Variants in CCSER2 observed in about 807,000 individuals in gnomAD.
The protein encoded by CCSER2 is coiled-coil serine rich protein 2.
In CCSER2, 46 loss-of-function variants were observed where a neutral mutation model predicts 92.3. The observed-to-expected ratio is 0.50, with a 90% CI of 0.39 to 0.64. The LOEUF (loss-of-function observed/expected upper bound fraction) is 0.64. CCSER2 is among the 30% of genes least tolerant of loss of function. The probability of loss-of-function intolerance (pLI) is 0.00; values close to 1 mark genes in which losing one functional copy is unlikely to be tolerated. For missense variants in CCSER2, 1,244 were observed against 1,238.9 expected, an observed-to-expected ratio of 1.00 and a Z score of -0.06; for synonymous variants, 433 against 431.4, an observed-to-expected ratio of 1.00 and a Z score of -0.04.
intron 1 of CCSER2, among the ~76,000 whole-genome samples, chr10:84,337,377 C>CGAGT (rs897301578): frequency 1.8e-4 from 28 of 152,200 alleles, no homozygotes; most frequent in Middle Eastern, 3.4e-3. Flanking sequence ...TAAGAAGGAG[C>CGAGT]GAGTGAGTAA....
chr10:84,391,291 T>C, intron 3 of CCSER2: 1 of 1,469,132 alleles, frequency 6.8e-7, no homozygotes, highest in Admixed American at 1.7e-5. Context: ...CAGATAAAGA[T>C]TTTATGTTAG....
At chr10:84,364,797 A>G (rs545553262) in intron 1 of CCSER2, among the ~76,000 whole-genome samples, 1 of 145,096 alleles carries the variant, frequency 6.9e-6, no homozygotes, top group Non-Finnish European at 1.5e-5. Flanking sequence ...GCTGTAGTGC[A>G]GTGGTATGAT....
chr10:84,332,429 TATATATA>T (rs1326207356), intron 1 of CCSER2, among the ~76,000 whole-genome samples: 2 of 85,850 alleles, frequency 2.3e-5, no homozygotes, highest in Admixed American at 1.3e-4. Flanking sequence ...TATATATATA[TATATATA>T]TTTTTTTTTT....
At chr10:84,447,815 T>C (rs1356931867) in intron 6 of CCSER2, among the ~76,000 whole-genome samples, 1 of 152,116 alleles carries the variant, frequency 6.6e-6, no homozygotes, top group African/African-American at 2.4e-5. Flanking sequence ...TCTTTTGTTT[T>C]GTTTTGTTTT....
intron 9 of CCSER2, among the ~76,000 whole-genome samples, chr10:84,503,467 T>G (rs1183663800): frequency 6.6e-6 from 1 of 152,216 alleles, no homozygotes; most frequent in Non-Finnish European, 1.5e-5. Context: ...ATTGGTGTAG[T>G]CTTTCTACTC....
At chr10:84,391,508 A>C in intron 3 of CCSER2, 1 of 1,526,978 alleles carries the variant, frequency 6.5e-7, no homozygotes. Flanking sequence ...TTTCATGCCA[A>C]TACTGGGAAT....
intron 1 of CCSER2, among the ~76,000 whole-genome samples, chr10:84,345,224 G>A (rs1048757988): frequency 3.3e-5 from 5 of 152,274 alleles, no homozygotes; most frequent in African/African-American, 9.6e-5. Flanking sequence ...AGGACAGGAC[G>A]GGTTTGAGAA....
At chr10:84,491,632 G>A (rs61866511) in intron 9 of CCSER2, among the ~76,000 whole-genome samples, 15,227 of 152,098 alleles carry the variant, frequency 0.1, 965 homozygotes, top group Admixed American at 0.15. Context: ...TCCAGGATCC[G>A]TCTGTCACCC....
chr10:84,336,387 G>A (rs1297830951), intron 1 of CCSER2, among the ~76,000 whole-genome samples: 1 of 152,208 alleles, frequency 6.6e-6, no homozygotes. Context: ...TTACATTGCT[G>A]TGGAGAAAAA....
chr10:84,431,896 T>G (rs1193349874), intron 5 of CCSER2, among the ~76,000 whole-genome samples: 1 of 152,222 alleles, frequency 6.6e-6, no homozygotes, highest in Admixed American at 6.5e-5. Flanking sequence ...GGCGTACATT[T>G]TTCACCTCAT....
intron 9 of CCSER2, among the ~76,000 whole-genome samples, chr10:84,484,403 C>A (rs1047118852): frequency 2.6e-5 from 4 of 152,026 alleles, no homozygotes; most frequent in African/African-American, 9.7e-5. Context: ...ATGAGCCATC[C>A]ACCATGCCCA....
rs1465202811 is a variant in CCSER2 at position 84,515,442 on chromosome 10, T to G, written c.*1175T>G. 1 of 152,162 alleles carries G rather than the reference T, an allele frequency of 6.6e-6. No homozygotes were observed. The highest frequency in any genetic ancestry group is 1.5e-5 in the Non-Finnish European group (1 of 68,042). 9.4% of individuals were successfully genotyped at this position (152,162 alleles called of 1,614,324 possible). ...GTTTCCCTTTTCTGTGTTTTTTGTT[T>G]TTTTCTGTTTGTTTTTTGAGACAGA... On this transcript the variant is annotated 3_prime_UTR_variant, in exon 10 of 10. Transcript: ENST00000372088.
At chr10:84,373,338 T>C (rs1053547167) in intron 2 of CCSER2, among the ~76,000 whole-genome samples, 8 of 152,190 alleles carry the variant, frequency 5.3e-5, no homozygotes, top group Admixed American at 2.0e-4. Context: ...TTGGGAAATA[T>C]AGGAATATGA....
chr10:84,392,759 G>T (rs1475894663), intron 3 of CCSER2, among the ~76,000 whole-genome samples: 2 of 152,070 alleles, frequency 1.3e-5, no homozygotes, highest in East Asian at 3.9e-4. Flanking sequence ...ACCTTTTTTG[G>T]GGTGTGCAGG....
rs147463129 is a variant in CCSER2 at position 84,333,570 on chromosome 10, T to A, written c.-40+4762T>A. Among the ~76,000 whole-genome samples the A allele has an allele frequency of 3.6e-3, 542 of 152,324 alleles. 2 individuals are homozygous for A. The highest frequency in any genetic ancestry group is 6.8e-3 in the Middle Eastern group (2 of 294). On this transcript the variant is annotated intron_variant, in intron 1 of 9. Coordinates refer to ENST00000372088, the MANE Select transcript of CCSER2 (RefSeq NM_001284240.2). The stretch of plus-strand genomic sequence containing the variant: ...TTTCTTAGACATTGGAAAGATTAGG[T>A]GTTGCAAAGCAAGGGGATGATATGG...
chr10:84,384,911 C>T (rs1005805224), intron 3 of CCSER2, among the ~76,000 whole-genome samples: 1 of 151,998 alleles, frequency 6.6e-6, no homozygotes, highest in African/African-American at 2.4e-5. Context: ...AGTAAAGTTT[C>T]AGGATACAAA....
rs1008654488 is a variant in CCSER2 at position 84,515,162 on chromosome 10, A to C, written c.*895A>C. On this transcript the variant is annotated 3_prime_UTR_variant, in exon 10 of 10. Transcript: ENST00000372088. ...TCCATGATAGCCATTTTAAGGTTCC[A>C]CAGCATTATGTCTTTAATTGTAATA... 6.6e-6 allele frequency: 1 copy of C among 152,624 alleles called. No homozygotes were observed. The highest frequency in any genetic ancestry group is 2.4e-5 in the African/African-American group (1 of 41,440). 9.5% of individuals were successfully genotyped at this position (152,624 alleles called of 1,614,324 possible).
At chr10:84,383,275 A>G (rs1294627252) in intron 3 of CCSER2, among the ~76,000 whole-genome samples, 7 of 151,990 alleles carry the variant, frequency 4.6e-5, no homozygotes, top group African/African-American at 1.4e-4. Context: ...TTTAACTCTA[A>G]GGAAGAGACC....
At chr10:84,470,000 T>C (rs1846682505) in intron 7 of CCSER2, among the ~76,000 whole-genome samples, 1 of 151,030 alleles carries the variant, frequency 6.6e-6, no homozygotes, top group Non-Finnish European at 1.5e-5. Flanking sequence ...CTGAAGTTGC[T>C]TTTTTGTATG....
Sources: allele counts gnomAD v4.1 joint callset (sites outside exome capture counted in the v4.1 genomes callset), GRCh38; gene constraint gnomAD v4.1.1; transcripts MANE v1.5; gene names NCBI Gene and HGNC (gene_info 2026-07-23, HGNC 2026-07-21).